COL6A6: variants seen among roughly 807,000 people sequenced by gnomAD.
COL6A6 encodes collagen alpha-6(VI) chain.
In COL6A6, 183 loss-of-function variants were observed where a neutral mutation model predicts 208.6. That is an observed-to-expected ratio of 0.88 (90% CI 0.78 to 0.99). The LOEUF is 0.99. Ranked by LOEUF, COL6A6 falls within the 50% of genes least tolerant of loss-of-function variation. COL6A6 has a pLI of 0.00. For missense variants in COL6A6, 2,816 were observed against 2,815.2 expected (o/e 1.00, Z -0.01); for synonymous variants, 973 against 1,011.8 (o/e 0.96, Z 0.73).
At chr3:130,521,061 T>C (rs1711041878) in intron 1 of COL6A6, among the ~76,000 whole-genome samples, 1 of 152,168 alleles carries the variant, frequency 6.6e-6, no homozygotes, top group African/African-American at 2.4e-5. Flanking sequence ...AAGGCACAAA[T>C]AAATATACAT....
intron 32 of COL6A6, 147 bp downstream of exon 32, chr3:130,645,149 T>C (rs1576388190): frequency 1.3e-6 from 1 of 753,862 alleles, no homozygotes; most frequent in Non-Finnish European, 2.3e-6. Flanking sequence ...GGTAGCAGAG[T>C]CTTGCCTCCA....
chr3:130,645,151 T>C (rs2065430963), intron 32 of COL6A6, 149 bp downstream of exon 32: 1 of 744,416 alleles, frequency 1.3e-6, no homozygotes, highest in African/African-American at 1.7e-5. Flanking sequence ...TAGCAGAGTC[T>C]TGCCTCCAAT....
chr3:130,600,475 TC>T (rs1489454376), intron 20 of COL6A6, among the ~76,000 whole-genome samples: 1 of 152,134 alleles, frequency 6.6e-6, no homozygotes, highest in African/African-American at 2.4e-5. Flanking sequence ...CAAATGCGCA[TC>T]AATGATAGAC....
chr3:130,568,669 T>G, intron 6 of COL6A6, 65 bp downstream of exon 6: 2 of 1,370,330 alleles, frequency 1.5e-6, no homozygotes, highest in Non-Finnish European at 9.9e-7. Context: ...AGCCTCTATT[T>G]CTTGAATTTA....
At position 130,593,089 on chromosome 3, in the gene COL6A6, G is replaced by C. The variant is rs763083321; in HGVS notation, c.4400G>C (p.Gly1467Ala). ...EGEVGENGID[G>A]LNGEQGDNGL... ...GAAGTTGGGGAAAATGGAATTGACG[G>C]ATTAAACGGAGAACAGGTAGAGCCT... The change falls in exon 16 of 37, where the codon GGA becomes GCA. Residue 1467 changes from glycine to alanine, a missense_variant. By Grantham distance (60) the Gly-to-Ala change is moderately conservative. Transcript: ENST00000358511. The C allele has an allele frequency of 1.2e-6, 2 of 1,613,570 alleles. No individual in the cohort carries two copies. The highest frequency in any genetic ancestry group is 2.2e-5 in the South Asian group (2 of 91,080).
chr3:130,521,553 T>G (rs1711069961), intron 1 of COL6A6, among the ~76,000 whole-genome samples: 1 of 152,234 alleles, frequency 6.6e-6, no homozygotes, highest in Non-Finnish European at 1.5e-5. Context: ...GCAGATTCCC[T>G]CAATATCCAG....
rs751406182 is a variant in COL6A6 at position 130,661,842 on chromosome 3, A to G, written c.6036A>G (p.Leu2012=). Residue 2012 remains leucine, a synonymous_variant, in exon 35 of 37, where the codon CTA becomes CTG. Transcript: ENST00000358511. ...CTGTCACTGGAGACCGGGTGGCCCT[A>G]TTGAGCCATGCTCCCCCCGACTTCC... ...ETSVTGDRVA[L]LSHAPPDFLP... 33 of 1,613,746 alleles carry G rather than the reference A, an allele frequency of 2.0e-5. No homozygotes were observed. In the Admixed American group the frequency reaches 2.2e-4, roughly 11 times the overall value.
In COL6A6 at chr3:130,581,588, T is replaced by C. The variant is rs1560022483; in HGVS notation, c.3575T>C (p.Phe1192Ser). 6.2e-7 allele frequency: 1 copy of C among 1,611,900 alleles called. No individual in the cohort carries two copies. Among genetic ancestry groups the C allele is most frequent in the Non-Finnish European group, 8.5e-7 (1 of 1,178,422 alleles). ...SNCFVDVVVG[F>S]DVSTQEKGQT... is the part of the protein sequence containing the mutation. ...TGTTTCGTGGATGTTGTGGTGGGAT[T>C]TGATGTCTCAACTCAGGAGAAAGGG... is the stretch of plus-strand genomic sequence containing the variant. The change falls in exon 9 of 37, where the codon TTT becomes TCT. Residue 1192 changes from phenylalanine to serine, a missense_variant. By Grantham distance (155) the Phe-to-Ser change is radical. Coordinates refer to ENST00000358511, the MANE Select transcript of COL6A6 (RefSeq NM_001102608.3).
At chr3:130,610,244 A>G (rs937898179) in intron 22 of COL6A6, among the ~76,000 whole-genome samples, 7 of 152,194 alleles carry the variant, frequency 4.6e-5, no homozygotes, top group Middle Eastern at 3.2e-3. Context: ...ACCACATACC[A>G]TATCTTGTTT....
chr3:130,609,044 C>A, intron 22 of COL6A6, 80 bp downstream of exon 22: 1 of 999,520 alleles, frequency 1.0e-6, no homozygotes, highest in South Asian at 1.4e-5. Context: ...TGATAGAAAC[C>A]TTCAAATCTC....
At position 130,565,235 on chromosome 3, in the gene COL6A6, C is replaced by G; in HGVS notation, c.903C>G (p.Pro301=). 6.2e-7 allele frequency: 1 copy of G among 1,613,986 alleles called. No individual in the cohort carries two copies. The highest frequency in any genetic ancestry group is 1.7e-5 in the Admixed American group (1 of 60,026). ...TCCAGCATATACAGAACCTTTCTCC[C>G]CGAACTGGGAAGGCCTATACTGGAG... ...EVLQHIQNLS[P]RTGKAYTGAA... is the part of the protein sequence containing the mutation. Residue 301 remains proline (P), a synonymous_variant, in exon 4 of 37, where the codon CCC becomes CCG. Transcript: ENST00000358511.
At chr3:130,664,861 C>T (rs980407087) in intron 35 of COL6A6, 142 bp from the exon 36 acceptor site, 54 of 597,100 alleles carry the variant, frequency 9.0e-5, no homozygotes, top group African/African-American at 8.9e-4. Flanking sequence ...GAGAAATCTG[C>T]TTTCATTTCA....
chr3:130,538,495 A>G (rs1274321298), intron 1 of COL6A6, among the ~76,000 whole-genome samples: 1 of 152,232 alleles, frequency 6.6e-6, no homozygotes, highest in Non-Finnish European at 1.5e-5. Context: ...TATCTGCTGC[A>G]AAGAAGATAC....
chr3:130,614,881 G>A (rs2064469359), intron 23 of COL6A6, among the ~76,000 whole-genome samples: 1 of 151,936 alleles, frequency 6.6e-6, no homozygotes, highest in Non-Finnish European at 1.5e-5. Flanking sequence ...TTCTCATTGT[G>A]TTTATTTGGA....
At chr3:130,633,818 C>G (rs1160343934) in intron 26 of COL6A6, among the ~76,000 whole-genome samples, 1 of 21,792 alleles carries the variant, frequency 4.6e-5, no homozygotes, top group East Asian at 1.2e-3. Context: ...AACCAAACAC[C>G]GCATATTCTC....
intron 26 of COL6A6, among the ~76,000 whole-genome samples, chr3:130,628,700 A>G (rs558268693): frequency 6.6e-6 from 1 of 152,260 alleles, no homozygotes; most frequent in South Asian, 2.1e-4. Flanking sequence ...GGCTTTCCAA[A>G]TTTCTCCAAT....
At chr3:130,549,964 ATTTG>A (rs2062606096) in intron 1 of COL6A6, among the ~76,000 whole-genome samples, 1 of 152,208 alleles carries the variant, frequency 6.6e-6, no homozygotes, top group African/African-American at 2.4e-5. Flanking sequence ...ATGTATTTCC[ATTTG>A]TTTGTGTCAT....
At chr3:130,585,344 A>G (rs2063514123) in intron 10 of COL6A6, among the ~76,000 whole-genome samples, 1 of 152,250 alleles carries the variant, frequency 6.6e-6, no homozygotes, top group Admixed American at 6.5e-5. Flanking sequence ...ACAGGCAGTC[A>G]TTTAACCTCT....
intron 1 of COL6A6, among the ~76,000 whole-genome samples, chr3:130,520,966 C>T (rs755584406): frequency 6.6e-6 from 1 of 152,144 alleles, no homozygotes; most frequent in African/African-American, 2.4e-5. Flanking sequence ...AAATGCTCAA[C>T]TGGTAGAGGG....
Sources: gnomAD v4.1 joint callset for allele counts (sites outside exome capture counted in the v4.1 genomes callset) on GRCh38, gnomAD v4.1.1 for gene constraint, MANE v1.5 for transcripts, NCBI Gene and HGNC (gene_info 2026-07-23, HGNC 2026-07-21) for gene names.